GABRB1: variants seen among roughly 807,000 people sequenced by gnomAD.
GABRB1 encodes gamma-aminobutyric acid type A receptor subunit beta1, also known as gamma-aminobutyric acid receptor subunit beta-1.
A neutral mutation model predicts 51.6 loss-of-function variants in GABRB1; 17 were observed. That is an observed-to-expected ratio of 0.33 (90% CI 0.23 to 0.49). The LOEUF (loss-of-function observed/expected upper bound fraction) is 0.49, where lower values mean the gene tolerates loss of function less well. GABRB1 is among the 20% of genes least tolerant of loss of function. The pLI is 0.99. For synonymous variants in GABRB1, 247 were observed against 218.9 expected, an observed-to-expected ratio of 1.13 and a Z score of -1.14; for missense variants, 410 against 600.6, an observed-to-expected ratio of 0.68 and a Z score of 3.32.
rs748184702 is a variant in GABRB1, at chr4:47,194,791, TA to T, written c.461+33329del. On this transcript the variant is annotated intron_variant, in intron 4 of 8. Coordinates refer to ENST00000295454, the MANE Select transcript of GABRB1 (RefSeq NM_000812.4). ...CAGTTAAAACTTGAGCCATGTTTCTTAAAAAAACATAGTGTACTTAGCGTCT... is the reference window on the plus strand; with the variant it reads ...CAGTTAAAACTTGAGCCATGTTTCTTAAAAAACATAGTGTACTTAGCGTCT... Among the ~76,000 whole-genome samples the T allele has an allele frequency of 4.6e-5, 7 of 152,286 alleles. No individual in the cohort carries two copies. In the East Asian group the frequency reaches 7.7e-4, roughly 17 times the overall value.
At chr4:47,062,889 C>T (rs1280882128) in intron 3 of GABRB1, among the ~76,000 whole-genome samples, 1 of 152,152 alleles carries the variant, frequency 6.6e-6, no homozygotes, top group Non-Finnish European at 1.5e-5. Context: ...AAAACCACCA[C>T]CCAAAACCAA....
intron 1 of GABRB1, among the ~76,000 whole-genome samples, chr4:47,002,750 A>G (rs1724267542): frequency 6.6e-6 from 1 of 152,192 alleles, no homozygotes. Flanking sequence ...TGAACATGAT[A>G]CAGTGGTGAA....
At chr4:47,327,844 T>G (rs1437156190) in intron 5 of GABRB1, among the ~76,000 whole-genome samples, 2 of 152,202 alleles carry the variant, frequency 1.3e-5, no homozygotes, top group Non-Finnish European at 2.9e-5. Flanking sequence ...AATATCTGGG[T>G]CAAATGGTAT....
At chr4:47,254,514 C>A (rs767142109) in intron 4 of GABRB1, among the ~76,000 whole-genome samples, 1 of 151,460 alleles carries the variant, frequency 6.6e-6, no homozygotes, top group Non-Finnish European at 1.5e-5. Context: ...TACAGGTGCC[C>A]GCCACCATGC....
intron 5 of GABRB1, among the ~76,000 whole-genome samples, chr4:47,325,757 G>A (rs888695751): frequency 6.6e-6 from 1 of 152,066 alleles, no homozygotes; most frequent in African/African-American, 2.4e-5. Context: ...TTCGATAGGA[G>A]GCTTTCTTGA....
At chr4:47,122,258 T>C (rs1337084753) in intron 3 of GABRB1, among the ~76,000 whole-genome samples, 1 of 152,192 alleles carries the variant, frequency 6.6e-6, no homozygotes, top group Non-Finnish European at 1.5e-5. Context: ...TAGTTGACAG[T>C]GTTGAATCTC....
chr4:47,040,096 A>G (rs1725772383), intron 3 of GABRB1, among the ~76,000 whole-genome samples: 1 of 152,264 alleles, frequency 6.6e-6, no homozygotes, highest in South Asian at 2.1e-4. Context: ...AAAATCTTAC[A>G]TGTATGTGTC....
chr4:47,227,047 G>A (rs1430770030), intron 4 of GABRB1, among the ~76,000 whole-genome samples: 1 of 152,164 alleles, frequency 6.6e-6, no homozygotes. Context: ...GACTATGCAA[G>A]TGAATGCAGC....
intron 5 of GABRB1, among the ~76,000 whole-genome samples, chr4:47,350,981 T>C (rs1726307773): frequency 6.6e-6 from 1 of 152,240 alleles, no homozygotes; most frequent in African/African-American, 2.4e-5. Context: ...AAAGTGATGT[T>C]GGATGAGATA....
At chr4:47,031,282 T>C, upstream of GABRB1, 2 of 267,064 alleles carry the variant, frequency 7.5e-6, no homozygotes, top group Non-Finnish European at 1.5e-5. Context: ...ACAGGCAGCC[T>C]TAGCCAGATC....
At chr4:47,198,627 T>C (rs1012427165) in intron 4 of GABRB1, among the ~76,000 whole-genome samples, 4 of 152,278 alleles carry the variant, frequency 2.6e-5, no homozygotes, top group East Asian at 1.9e-4. Flanking sequence ...TGTTGTTATA[T>C]AGTGGCAGAA....
intron 8 of GABRB1, among the ~76,000 whole-genome samples, chr4:47,420,329 G>A (rs959293226): frequency 5.3e-5 from 8 of 152,176 alleles, no homozygotes; most frequent in African/African-American, 1.9e-4. Flanking sequence ...AGTTGTACAT[G>A]TTCCTCCCTT....
chr4:47,406,931 G>C lies in GABRB1; in HGVS notation c.1080+5G>C, dbSNP rs772396298. Reference sequence around the variant, plus strand: ...CTGGAGATGAATAAAGTCCAGGTAAGATATTAAATATTCCTAACAATATTC... The same window carrying C: ...CTGGAGATGAATAAAGTCCAGGTAACATATTAAATATTCCTAACAATATTC... On this transcript the variant is annotated splice_donor_5th_base_variant and intron_variant, in intron 8 of 8. Coordinates refer to ENST00000295454, the MANE Select transcript of GABRB1 (RefSeq NM_000812.4). 1 of 1,612,208 alleles carries C rather than the reference G, an allele frequency of 6.2e-7. No homozygotes were observed. Among genetic ancestry groups the C allele is most frequent in the South Asian group, 1.1e-5 (1 of 90,982 alleles).
intron 4 of GABRB1, among the ~76,000 whole-genome samples, chr4:47,265,026 T>C (rs1578047487): frequency 1.3e-5 from 2 of 152,352 alleles, no homozygotes; most frequent in East Asian, 3.8e-4. Flanking sequence ...GTCATCTTTT[T>C]TTAATAGATT....
intron 3 of GABRB1, among the ~76,000 whole-genome samples, chr4:47,052,478 G>A (rs1276340301): frequency 5.9e-5 from 9 of 152,148 alleles, no homozygotes; most frequent in East Asian, 1.9e-4. Flanking sequence ...TACCACATGC[G>A]CAATTACTTA....
At chr4:47,378,609 T>C (rs1727481269) in intron 5 of GABRB1, among the ~76,000 whole-genome samples, 2 of 152,122 alleles carry the variant, frequency 1.3e-5, no homozygotes, top group South Asian at 4.1e-4. Flanking sequence ...CGGCATGCTG[T>C]CACCTCTCAG....
intron 5 of GABRB1, among the ~76,000 whole-genome samples, chr4:47,329,901 C>T (rs1725411565): frequency 6.6e-6 from 1 of 151,932 alleles, no homozygotes; most frequent in Non-Finnish European, 1.5e-5. Flanking sequence ...AAGGAATTGG[C>T]TCACGCAATT....
chr4:47,209,437 C>T (rs1397604303), intron 4 of GABRB1, among the ~76,000 whole-genome samples: 2 of 152,082 alleles, frequency 1.3e-5, no homozygotes, highest in Non-Finnish European at 2.9e-5. Flanking sequence ...AAATTTGATT[C>T]TATATTCCAA....
chr4:47,221,618 G>T (rs369586716), intron 4 of GABRB1, among the ~76,000 whole-genome samples: 7 of 151,576 alleles, frequency 4.6e-5, no homozygotes, highest in African/African-American at 1.7e-4. Flanking sequence ...TAGTTATGCC[G>T]TATAAAGGTG....
Sources: gnomAD v4.1 joint callset for allele counts (sites outside exome capture counted in the v4.1 genomes callset) on GRCh38, gnomAD v4.1.1 for gene constraint, MANE v1.5 for transcripts, NCBI Gene and HGNC (gene_info 2026-07-23, HGNC 2026-07-21) for gene names.